NFE2L3: variants seen among roughly 807,000 people sequenced by gnomAD.
The protein encoded by NFE2L3 is nuclear factor erythroid 2-related factor 3.
In NFE2L3, 18 loss-of-function variants were observed where a neutral mutation model predicts 23.5. The observed-to-expected ratio is 0.77, with a 90% CI of 0.53 to 1.13. The LOEUF (loss-of-function observed/expected upper bound fraction) is 1.13. Among genes scored for constraint, NFE2L3 ranks in the 50% most tolerant of loss-of-function variants. The probability of loss-of-function intolerance (pLI) is 0.00; values close to 1 mark genes in which losing one functional copy is unlikely to be tolerated. For synonymous variants in NFE2L3, 424 were observed against 354.5 expected (o/e 1.20, Z -2.20); for missense variants, 1,152 against 877.2 (o/e 1.31, Z -3.96).
chr7:26,167,186 G>A (rs995143146), intron 1 of NFE2L3, among the ~76,000 whole-genome samples: 1 of 152,192 alleles, frequency 6.6e-6, no homozygotes, highest in Non-Finnish European at 1.5e-5. Flanking sequence ...GGTGGCAAAG[G>A]TGAATGGCTG....
Position 26,185,075 on chromosome 7 carries a change from T to C in NFE2L3, c.1377T>C (p.His459=). 1.2e-6 allele frequency: 2 copies of C among 1,613,926 alleles called. No homozygotes were observed. The highest frequency in any genetic ancestry group is 1.7e-6 in the Non-Finnish European group (2 of 1,179,836). Residue 459 remains histidine (H), a synonymous_variant, in exon 4 of 4, where the codon CAT becomes CAC. Transcript: ENST00000056233. ...YCTDHESSSH[H]DLEGAVGGYY... ...CTGACCATGAATCTAGTTCCCATCA[T>C]GACTTAGAAGGTGCTGTAGGTGGCT...
At chr7:26,169,341 C>T (rs1055788797) in intron 1 of NFE2L3, among the ~76,000 whole-genome samples, 4 of 152,186 alleles carry the variant, frequency 2.6e-5, no homozygotes, top group African/African-American at 7.2e-5. Context: ...AAGCAGAAGT[C>T]GAACTGTGAT....
At chr7:26,159,789 G>A (rs180739530) in intron 1 of NFE2L3, among the ~76,000 whole-genome samples, 23 of 152,218 alleles carry the variant, frequency 1.5e-4, no homozygotes, top group Non-Finnish European at 1.5e-5. Context: ...AAGTTATATA[G>A]CAAGTTAGTG....
In NFE2L3 at chr7:26,183,434, G is replaced by C. The variant is rs554568762; in HGVS notation, c.751-267G>C. The stretch of plus-strand genomic sequence containing the variant: ...GTGGTGGTGCACAGCTGTAATCCCA[G>C]CTACTCCGGAGGCTAAGGCAGGAGA... On this transcript the variant is annotated intron_variant, in intron 2 of 3. Transcript: ENST00000056233. Among the ~76,000 whole-genome samples the C allele has an allele frequency of 4.5e-4, 68 of 151,968 alleles. 1 individual carries two copies. Among genetic ancestry groups the C allele is most frequent in the Middle Eastern group, 6.9e-3 (2 of 290 alleles).
intron 1 of NFE2L3, among the ~76,000 whole-genome samples, chr7:26,168,215 C>A: frequency 6.6e-6 from 1 of 151,532 alleles, no homozygotes. Flanking sequence ...CGGCTCACTG[C>A]AACCTCCACC....
intron 2 of NFE2L3, among the ~76,000 whole-genome samples, chr7:26,183,496 C>T (rs1383522823): frequency 1.4e-5 from 2 of 143,828 alleles, no homozygotes; most frequent in South Asian, 2.1e-4. Flanking sequence ...TGTAGTGAGC[C>T]GAGATTGCAC....
chr7:26,177,990 C>T lies in NFE2L3; in HGVS notation c.618C>T (p.Ser206=). 1 of 1,613,970 alleles carries T rather than the reference C, an allele frequency of 6.2e-7. No homozygotes were observed. The highest frequency in any genetic ancestry group is 8.5e-7 in the Non-Finnish European group (1 of 1,179,964). Residue 206 remains serine, a synonymous_variant, in exon 2 of 4, where the codon TCC becomes TCT. Coordinates refer to ENST00000056233, the MANE Select transcript of NFE2L3 (RefSeq NM_004289.7). ...REKHEAVDHS[S]QHEENEERVS... is the part of the protein sequence containing the mutation. ...AGCACGAAGCTGTGGATCATAGTTC[C>T]CAGCATGAGGAAAATGAAGAAAGGG...
intron 1 of NFE2L3, among the ~76,000 whole-genome samples, chr7:26,170,862 C>T (rs1445134319): frequency 1.3e-5 from 2 of 152,070 alleles, no homozygotes; most frequent in African/African-American, 4.8e-5. Context: ...AGTTTTGAAA[C>T]CAGCCTGGGC....
chr7:26,168,569 G>T (rs11978377), intron 1 of NFE2L3, among the ~76,000 whole-genome samples: 9,632 of 147,562 alleles, frequency 0.065, 722 homozygotes, highest in East Asian at 0.35. Context: ...AATATATATA[G>T]AGAGAGATTA....
intron 1 of NFE2L3, chr7:26,174,142 A>G (rs1784363126): frequency 6.6e-6 from 1 of 152,218 alleles, no homozygotes; most frequent in African/African-American, 2.4e-5. Context: ...CTATGTTTGG[A>G]TATCAAGGGG....
At chr7:26,177,600 GGGAAGGAGGGA>G (rs1466091742) in intron 1 of NFE2L3, among the ~76,000 whole-genome samples, 3 of 152,158 alleles carry the variant, frequency 2.0e-5, no homozygotes, top group Non-Finnish European at 4.4e-5. Context: ...GTCGAAAGGA[GGGAAGGAGGGA>G]GGAAGGGAGG....
chr7:26,174,957 C>A (rs377716823), intron 1 of NFE2L3: 28 of 152,232 alleles, frequency 1.8e-4, no homozygotes, highest in African/African-American at 6.7e-4. Context: ...TTATTTAGGT[C>A]TCCTTATTTA....
chr7:26,184,363 A>G (rs1015860895), intron 3 of NFE2L3, 170 bp from the exon 4 acceptor site: 1 of 585,474 alleles, frequency 1.7e-6, no homozygotes, highest in Non-Finnish European at 3.0e-6. Flanking sequence ...ATTTGGACTC[A>G]CATCTCGTAT....
Position 26,184,540 on chromosome 7 carries a change from C to T in NFE2L3, c.842C>T (p.Ser281Leu), listed in dbSNP as rs1782429615. 3.7e-6 allele frequency: 6 copies of T among 1,609,214 alleles called. No individual in the cohort carries two copies. The East Asian group carries it at 1.3e-4, about 36-fold the overall frequency. The change falls in exon 4 of 4, where the codon TCA becomes TTA. Residue 281 changes from serine to leucine, a missense_variant. Physicochemically the swap from Ser to Leu is moderately radical, Grantham distance 145 (BLOSUM62 -2). Transcript: ENST00000056233. ...SQPENSLEGI[S>L]LGDIPLPGSI... Reference sequence around the variant, plus strand: ...TTCTCCTTCGTTTTTCAGGGCATCTCATTGGGAGATATTCCTCTTCCAGGC... The same window carrying T: ...TTCTCCTTCGTTTTTCAGGGCATCTTATTGGGAGATATTCCTCTTCCAGGC...
chr7:26,164,845 G>A (rs1784224511), intron 1 of NFE2L3, among the ~76,000 whole-genome samples: 1 of 152,192 alleles, frequency 6.6e-6, no homozygotes, highest in Admixed American at 6.5e-5. Context: ...TAAGGTGTAA[G>A]GAAAGGATAC....
At chr7:26,165,365 A>G (rs1448834956) in intron 1 of NFE2L3, among the ~76,000 whole-genome samples, 2 of 152,016 alleles carry the variant, frequency 1.3e-5, no homozygotes, top group South Asian at 2.1e-4. Flanking sequence ...GGTCCTTCAC[A>G]TCCCTTGTAA....
Position 26,153,850 on chromosome 7 carries a change from T to A in NFE2L3, c.570+782T>A, listed in dbSNP as rs534442025. Among the ~76,000 whole-genome samples the A allele has an allele frequency of 2.6e-5, 4 of 152,348 alleles. No individual in the cohort carries two copies. In the South Asian group the frequency reaches 8.3e-4, roughly 32 times the overall value. On this transcript the variant is annotated intron_variant, in intron 1 of 3. Coordinates refer to ENST00000056233, the MANE Select transcript of NFE2L3 (RefSeq NM_004289.7). ...CATGGAACGTTTGAGTTCAGTCTAA[T>A]GACACTTTAACACCAGTTTCCACAA... is the stretch of plus-strand genomic sequence containing the variant.
chr7:26,180,104 C>G (rs1352847075), intron 2 of NFE2L3, among the ~76,000 whole-genome samples: 1 of 152,204 alleles, frequency 6.6e-6, no homozygotes, highest in Non-Finnish European at 1.5e-5. Flanking sequence ...TTCCAGTTCC[C>G]TAACTATGGC....
chr7:26,182,505 TC>T (rs541565272), intron 2 of NFE2L3, among the ~76,000 whole-genome samples: 123 of 151,878 alleles, frequency 8.1e-4, no homozygotes, highest in African/African-American at 2.9e-3. Context: ...ATGCCTGTAG[TC>T]CCAGCTATTC....
Sources: gnomAD v4.1 joint callset for allele counts (sites outside exome capture counted in the v4.1 genomes callset) on GRCh38, gnomAD v4.1.1 for gene constraint, MANE v1.5 for transcripts, NCBI Gene and HGNC (gene_info 2026-07-23, HGNC 2026-07-21) for gene names.